NRXN3: variants seen among roughly 807,000 people sequenced by gnomAD.
NRXN3 encodes neurexin III.
Under a neutral mutation model 137.6 loss-of-function variants are expected in NRXN3, and 32 were observed. That is an observed-to-expected ratio of 0.23 (90% CI 0.18 to 0.31). The LOEUF (loss-of-function observed/expected upper bound fraction) is 0.31, where lower values mean the gene tolerates loss of function less well. Among genes scored for constraint, NRXN3 ranks in the 10% least tolerant of loss-of-function variants. The pLI is 1.00. For synonymous variants in NRXN3, 798 were observed against 784.5 expected (o/e 1.02, Z -0.29); for missense variants, 1,574 against 2,062.5 (o/e 0.76, Z 4.59).
At chr14:79,393,687 C>T (rs919149177) in intron 15 of NRXN3, among the ~76,000 whole-genome samples, 7 of 152,168 alleles carry the variant, frequency 4.6e-5, no homozygotes, top group African/African-American at 9.6e-5. Flanking sequence ...TGGTGGCGGG[C>T]GCCTATAGTC....
intron 4 of NRXN3, among the ~76,000 whole-genome samples, chr14:78,528,245 G>A (rs537942802): frequency 6.6e-6 from 1 of 152,218 alleles, no homozygotes; most frequent in South Asian, 2.1e-4. Context: ...CTAGTTCCTG[G>A]CCCAGCGGCA....
chr14:79,840,000 C>T (rs1035668899), intron 20 of NRXN3, among the ~76,000 whole-genome samples: 2 of 149,510 alleles, frequency 1.3e-5, no homozygotes, highest in Non-Finnish European at 3.0e-5. Flanking sequence ...TGTATTTAAA[C>T]GAATGCTTGT....
At chr14:78,206,732 A>C (rs965218262) in intron 1 of NRXN3, among the ~76,000 whole-genome samples, 4 of 152,176 alleles carry the variant, frequency 2.6e-5, no homozygotes, top group African/African-American at 9.7e-5. Flanking sequence ...CCCGTTTCAT[A>C]ACTGGCAGGG....
At chr14:78,613,602 T>C (rs1172696376) in intron 4 of NRXN3, among the ~76,000 whole-genome samples, 1 of 138,626 alleles carries the variant, frequency 7.2e-6, no homozygotes, top group Non-Finnish European at 1.6e-5. Flanking sequence ...TTTTTTTTTT[T>C]TCCCTTGGAA....
intron 15 of NRXN3, among the ~76,000 whole-genome samples, chr14:79,349,891 T>G (rs1481576698): frequency 2.0e-5 from 3 of 152,144 alleles, no homozygotes; most frequent in Non-Finnish European, 4.4e-5. Context: ...AGAGCAGCTC[T>G]TAGAAGGAAC....
chr14:78,902,417 T>G (rs2099199657), intron 10 of NRXN3, among the ~76,000 whole-genome samples: 1 of 152,108 alleles, frequency 6.6e-6, no homozygotes, highest in South Asian at 2.1e-4. Flanking sequence ...GATTATAAAG[T>G]GCATTTTATG....
chr14:78,895,129 T>G (rs942456075), intron 10 of NRXN3, among the ~76,000 whole-genome samples: 4 of 151,744 alleles, frequency 2.6e-5, no homozygotes, highest in Non-Finnish European at 4.4e-5. Flanking sequence ...CAGCCCGCCC[T>G]TTGAAGTCAG....
At chr14:79,129,859 C>G (rs1568374618) in intron 15 of NRXN3, among the ~76,000 whole-genome samples, 2 of 134,026 alleles carry the variant, frequency 1.5e-5, no homozygotes, top group East Asian at 2.2e-4. Flanking sequence ...AATCTGGGTG[C>G]TCCTGTATTG....
At chr14:78,586,623 C>A (rs1012223563) in intron 4 of NRXN3, among the ~76,000 whole-genome samples, 1 of 152,048 alleles carries the variant, frequency 6.6e-6, no homozygotes, top group Admixed American at 6.5e-5. Context: ...GAGGATTAGC[C>A]CCACCGCCTG....
At chr14:78,729,572 T>C (rs2098504589) in intron 8 of NRXN3, among the ~76,000 whole-genome samples, 1 of 152,196 alleles carries the variant, frequency 6.6e-6, no homozygotes. Context: ...CTGTAAAGTT[T>C]CATGGGGCTG....
At chr14:79,670,955 G>A (rs2098604235) in intron 17 of NRXN3, among the ~76,000 whole-genome samples, 1 of 152,182 alleles carries the variant, frequency 6.6e-6, no homozygotes, top group Admixed American at 6.5e-5. Flanking sequence ...TAGTAGAAAC[G>A]GTTCCAAAGT....
chr14:78,841,629 T>G (rs1022912638), intron 10 of NRXN3, among the ~76,000 whole-genome samples: 7 of 152,166 alleles, frequency 4.6e-5, no homozygotes, highest in Non-Finnish European at 8.8e-5. Context: ...GTCTCCTTCA[T>G]TTTGGAACAT....
intron 15 of NRXN3, among the ~76,000 whole-genome samples, chr14:79,428,851 G>A (rs2095698713): frequency 6.6e-6 from 1 of 152,170 alleles, no homozygotes; most frequent in South Asian, 2.1e-4. Flanking sequence ...AAATACAGTA[G>A]GAATTAGCAA....
At chr14:78,937,536 T>G (rs1040290266) in intron 10 of NRXN3, among the ~76,000 whole-genome samples, 2 of 152,238 alleles carry the variant, frequency 1.3e-5, no homozygotes, top group African/African-American at 4.8e-5. Flanking sequence ...GCTTCCCAAA[T>G]TTGTGTTCTT....
intron 15 of NRXN3, among the ~76,000 whole-genome samples, chr14:79,245,212 A>G (rs1230729981): frequency 6.6e-6 from 1 of 152,186 alleles, no homozygotes; most frequent in Non-Finnish European, 1.5e-5. Context: ...TAGTTCCAGC[A>G]CTGCTGCCCC....
intron 15 of NRXN3, among the ~76,000 whole-genome samples, chr14:79,137,130 C>T (rs1449944421): frequency 6.6e-6 from 1 of 152,220 alleles, no homozygotes; most frequent in Non-Finnish European, 1.5e-5. Context: ...CTGCATGCTG[C>T]CTGCTCGGAG....
At chr14:78,888,945 G>T (rs1446913522) in intron 10 of NRXN3, among the ~76,000 whole-genome samples, 3 of 151,392 alleles carry the variant, frequency 2.0e-5, no homozygotes, top group Non-Finnish European at 4.4e-5. Flanking sequence ...TGTGACCTTG[G>T]GCAAGTCACT....
chr14:78,870,017 C>A (rs949746514), intron 10 of NRXN3, among the ~76,000 whole-genome samples: 2 of 152,298 alleles, frequency 1.3e-5, no homozygotes, highest in Admixed American at 1.3e-4. Flanking sequence ...ACTGACCTAA[C>A]AGAATTCTTG....
intron 10 of NRXN3, among the ~76,000 whole-genome samples, chr14:78,863,297 A>G (rs2099077823): frequency 6.6e-6 from 1 of 152,200 alleles, no homozygotes; most frequent in African/African-American, 2.4e-5. Context: ...TTTTGAGGTT[A>G]GGAGCCTACG....
Sources: allele counts gnomAD v4.1 joint callset (sites outside exome capture counted in the v4.1 genomes callset), GRCh38; gene constraint gnomAD v4.1.1; transcripts MANE v1.5; gene names NCBI Gene and HGNC (gene_info 2026-07-23, HGNC 2026-07-21).